GRAMD1B: variants seen among roughly 807,000 people sequenced by gnomAD.
GRAMD1B encodes the protein GRAM domain containing 1B.
In GRAMD1B, 37 loss-of-function variants were observed where a neutral mutation model predicts 99.7. The ratio of observed to expected loss-of-function variants is 0.37; its 90% CI spans 0.29 to 0.49. The LOEUF is 0.49. Among genes scored for constraint, GRAMD1B ranks in the 20% least tolerant of loss-of-function variants. GRAMD1B has a pLI of 0.98. For missense variants in GRAMD1B, 888 were observed against 1,009.2 expected (o/e 0.88, Z 1.63); for synonymous variants, 427 against 387.6 (o/e 1.10, Z -1.19).
At chr11:123,397,006 T>C (rs1947487479) in intron 1 of GRAMD1B, among the ~76,000 whole-genome samples, 1 of 152,194 alleles carries the variant, frequency 6.6e-6, no homozygotes, top group African/African-American at 2.4e-5. Flanking sequence ...AAATGCAGAT[T>C]GATGAGTTTT....
chr11:123,385,409 G>C (rs1300829569), intron 1 of GRAMD1B, among the ~76,000 whole-genome samples: 2 of 152,076 alleles, frequency 1.3e-5, no homozygotes, highest in African/African-American at 4.8e-5. Context: ...TAGTTTCCTG[G>C]TGCTTACCGA....
At chr11:123,568,616 G>C (rs184765203) in intron 2 of GRAMD1B, among the ~76,000 whole-genome samples, 190 of 152,358 alleles carry the variant, frequency 1.2e-3, no homozygotes, top group African/African-American at 3.7e-3. Context: ...CTGTGACAGG[G>C]AAGAAAGGCG....
intron 1 of GRAMD1B, among the ~76,000 whole-genome samples, chr11:123,359,028 C>T (rs1287779246): frequency 1.3e-5 from 2 of 152,148 alleles, no homozygotes; most frequent in Non-Finnish European, 2.9e-5. Context: ...GAGTTTGTGT[C>T]CCCAGGAAAC....
At chr11:123,384,759 C>T (rs1947000641) in intron 1 of GRAMD1B, among the ~76,000 whole-genome samples, 1 of 152,208 alleles carries the variant, frequency 6.6e-6, no homozygotes, top group Non-Finnish European at 1.5e-5. Context: ...ACATAGACAT[C>T]TGTGACCTCT....
At chr11:123,607,235 G>A (rs1165610769) in intron 11 of GRAMD1B, among the ~76,000 whole-genome samples, 2 of 152,196 alleles carry the variant, frequency 1.3e-5, no homozygotes, top group Non-Finnish European at 2.9e-5. Context: ...TAGAAGAAAA[G>A]GTGTTGCTGG....
At chr11:123,526,801 C>A (rs776425917) in intron 2 of GRAMD1B, among the ~76,000 whole-genome samples, 1 of 152,178 alleles carries the variant, frequency 6.6e-6, no homozygotes, top group Non-Finnish European at 1.5e-5. Context: ...AGGCATCTCT[C>A]GCTTGGGGTG....
At chr11:123,553,953 G>A (rs1945885410) in intron 2 of GRAMD1B, among the ~76,000 whole-genome samples, 1 of 152,074 alleles carries the variant, frequency 6.6e-6, no homozygotes, top group African/African-American at 2.4e-5. Flanking sequence ...TGACCTCTTT[G>A]GCTAACAATC....
At chr11:123,414,865 G>T (rs1243699675) in intron 1 of GRAMD1B, among the ~76,000 whole-genome samples, 1 of 152,158 alleles carries the variant, frequency 6.6e-6, no homozygotes, top group South Asian at 2.1e-4. Flanking sequence ...GTGGAGCAGG[G>T]ATGGAGATGA....
At chr11:123,388,499 C>CG (rs1947153878) in intron 1 of GRAMD1B, among the ~76,000 whole-genome samples, 1 of 151,854 alleles carries the variant, frequency 6.6e-6, no homozygotes, top group Non-Finnish European at 1.5e-5. Flanking sequence ...ATGGCAAGAC[C>CG]CCGTCTCTAC....
intron 2 of GRAMD1B, among the ~76,000 whole-genome samples, chr11:123,511,377 G>A (rs1451409080): frequency 6.6e-6 from 1 of 152,178 alleles, no homozygotes; most frequent in Non-Finnish European, 1.5e-5. Context: ...CACCTCCAGG[G>A]AATGGGGCCT....
Position 123,392,081 on chromosome 11 carries a change from G to T in GRAMD1B, c.-176+33282G>T, listed in dbSNP as rs147934512. On this transcript the variant is annotated intron_variant, in intron 1 of 20. Coordinates refer to the GRAMD1B transcript ENST00000638157. ...GACTGGACCATTCATGGATCCTGGGGGAAGAGCATGCAATCAGTGGGAACA... is the reference window on the plus strand; with the variant it reads ...GACTGGACCATTCATGGATCCTGGGTGAAGAGCATGCAATCAGTGGGAACA... 2.3e-4 allele frequency among the ~76,000 whole-genome samples: 35 copies of T among 152,206 alleles called. No homozygotes were observed. In the South Asian group the frequency reaches 6.0e-3, roughly 26 times the overall value.
intron 1 of GRAMD1B, among the ~76,000 whole-genome samples, chr11:123,372,566 G>C (rs1057383090): frequency 1.3e-5 from 2 of 152,246 alleles, no homozygotes; most frequent in South Asian, 4.1e-4. Flanking sequence ...TCATTTAGGG[G>C]ACAGCTTGTG....
intron 1 of GRAMD1B, among the ~76,000 whole-genome samples, chr11:123,410,864 T>G (rs998027626): frequency 3.9e-5 from 6 of 152,114 alleles, no homozygotes; most frequent in African/African-American, 1.4e-4. Context: ...TTTATTTTAT[T>G]TATTTATATT....
upstream of GRAMD1B, among the ~76,000 whole-genome samples, chr11:123,426,664 T>C (rs1948662703): frequency 6.6e-6 from 1 of 152,144 alleles, no homozygotes; most frequent in Non-Finnish European, 1.5e-5. Context: ...TTGTCTGTCT[T>C]GCAACAACAG....
chr11:123,426,548 A>G (rs1423817648), upstream of GRAMD1B, among the ~76,000 whole-genome samples: 1 of 151,702 alleles, frequency 6.6e-6, no homozygotes, highest in Middle Eastern at 3.4e-3. Context: ...CACTTCTTCT[A>G]TGCTCACTGC....
At chr11:123,427,189 G>T (rs1591502065), upstream of GRAMD1B, among the ~76,000 whole-genome samples, 1 of 152,196 alleles carries the variant, frequency 6.6e-6, no homozygotes, top group East Asian at 1.9e-4. Flanking sequence ...CTGACGCAGG[G>T]CATGAAAACT....
At chr11:123,525,952 G>A in intron 2 of GRAMD1B, 1 of 594,608 alleles carries the variant, frequency 1.7e-6, no homozygotes. Context: ...TCAGCTGGGA[G>A]AGGGGGAAGA....
rs1942755577 is a variant in GRAMD1B, at chr11:123,526,431, A to G, written c.452+45538A>G. Among the ~76,000 whole-genome samples, 4 of 152,166 alleles carry G rather than the reference A, an allele frequency of 2.6e-5. No homozygotes were observed. The South Asian group carries it at 6.2e-4, about 24-fold the overall frequency. On this transcript the variant is annotated intron_variant, in intron 2 of 19. Coordinates refer to ENST00000635736, the MANE Select transcript of GRAMD1B (RefSeq NM_001387025.1). ...GGGGCAGTGGAGAGAATCAAATTGCAGCTAAAACGTTCTCCAACTTCGAGT... is the reference window on the plus strand; with the variant it reads ...GGGGCAGTGGAGAGAATCAAATTGCGGCTAAAACGTTCTCCAACTTCGAGT...
chr11:123,623,816 C>T lies in GRAMD1B; in HGVS notation c.*1221C>T, dbSNP rs117608320. The T allele has an allele frequency of 0.013, 1,981 of 152,546 alleles. 17 individuals are homozygous for T. Among genetic ancestry groups the T allele is most frequent in the Non-Finnish European group, 0.02 (1,363 of 68,220 alleles). The allele number at this position is 152,546 out of a possible 1,614,324, so 9.4% of individuals were successfully genotyped here. On this transcript the variant is annotated 3_prime_UTR_variant, in exon 20 of 20. Coordinates refer to ENST00000635736, the MANE Select transcript of GRAMD1B (RefSeq NM_001387025.1). The stretch of plus-strand genomic sequence containing the variant: ...AAGGCCAAGTGAAATCTATGCCCTA[C>T]GGGAGCCATTCCCAATCCTGAGTTT...
Sources: allele counts gnomAD v4.1 joint callset (sites outside exome capture counted in the v4.1 genomes callset), GRCh38; gene constraint gnomAD v4.1.1; transcripts MANE v1.5; gene names NCBI Gene and HGNC (gene_info 2026-07-23, HGNC 2026-07-21).